The following SLCO1A2 variants were observed in gnomAD, a reference collection of about 807,000 sequenced individuals.
SLCO1A2 encodes solute carrier organic anion transporter family member 1A2.
SLCO1A2 carries 67 observed loss-of-function variants against 69.0 expected under a neutral mutation model. That is an observed-to-expected ratio of 0.97 (90% confidence interval 0.80 to 1.19). The LOEUF is 1.19. Ranked by LOEUF, SLCO1A2 falls within the 50% of genes most tolerant of loss-of-function variation. The probability of loss-of-function intolerance (pLI) is 0.00; values close to 1 mark genes in which losing one functional copy is unlikely to be tolerated. For missense variants in SLCO1A2, 787 were observed against 793.7 expected (o/e 0.99, Z 0.10); for synonymous variants, 260 against 265.9 (o/e 0.98, Z 0.22).
intron 1 of SLCO1A2, among the ~76,000 whole-genome samples, chr12:21,402,076 T>A (rs12824378): frequency 0.094 from 14,097 of 149,462 alleles, 960 homozygotes; most frequent in East Asian, 0.38. Flanking sequence ...AAATAAAATG[T>A]AAAAATTATG....
intron 1 of SLCO1A2, among the ~76,000 whole-genome samples, chr12:21,394,491 G>A (rs1217521850): frequency 6.7e-6 from 1 of 150,284 alleles, no homozygotes; most frequent in Non-Finnish European, 1.5e-5. Context: ...CAAGTGAGCT[G>A]TGATCGTACC....
chr12:21,343,323 C>G (rs1247260148), intron 2 of SLCO1A2, among the ~76,000 whole-genome samples: 1 of 152,106 alleles, frequency 6.6e-6, no homozygotes, highest in Non-Finnish European at 1.5e-5. Flanking sequence ...ACAAATGAGA[C>G]TTAATATCTC....
intron 2 of SLCO1A2, among the ~76,000 whole-genome samples, chr12:21,328,378 C>T (rs1055524766): frequency 6.6e-6 from 1 of 152,096 alleles, no homozygotes; most frequent in African/African-American, 2.4e-5. Context: ...ATGAGAATAA[C>T]TTAAATTATC....
chr12:21,314,288 T>C (rs1032688128), intron 4 of SLCO1A2, among the ~76,000 whole-genome samples: 4 of 152,190 alleles, frequency 2.6e-5, no homozygotes, highest in Admixed American at 2.0e-4. Context: ...TTTCGGCTGG[T>C]CCTGAGAATC....
chr12:21,363,222 G>C (rs1458475210), intron 2 of SLCO1A2, among the ~76,000 whole-genome samples: 5 of 152,112 alleles, frequency 3.3e-5, no homozygotes, highest in Non-Finnish European at 1.5e-5. Flanking sequence ...AATCAAACTA[G>C]AACTCAGGAT....
chr12:21,321,970 C>G (rs963676701), intron 2 of SLCO1A2, among the ~76,000 whole-genome samples: 3 of 152,126 alleles, frequency 2.0e-5, no homozygotes, highest in Non-Finnish European at 2.9e-5. Context: ...GTTATTTACC[C>G]CTGTGGCCCT....
chr12:21,283,178 C>G (rs1037455626), intron 12 of SLCO1A2, among the ~76,000 whole-genome samples: 9 of 151,936 alleles, frequency 5.9e-5, no homozygotes, highest in African/African-American at 2.2e-4. Context: ...ATATCACAGA[C>G]CTATAGTAAC....
Position 21,269,218 on chromosome 12 carries a change from A to G in SLCO1A2, c.*330T>C, listed in dbSNP as rs1244073398. The G allele has an allele frequency of 5.9e-6, 1 of 168,582 alleles. No individual in the cohort carries two copies. Among genetic ancestry groups the G allele is most frequent in the African/African-American group, 2.4e-5 (1 of 42,142 alleles). 10.4% of individuals were successfully genotyped at this position (168,582 alleles called of 1,614,324 possible). The stretch of plus-strand genomic sequence containing the variant: ...GTGGAATTAAATAGGTTTTCATAAC[A>G]GAAAATTTTTAGAAGTATTAGTAGA... On this transcript the variant is annotated 3_prime_UTR_variant, in exon 15 of 15. Coordinates refer to ENST00000683939, the MANE Select transcript of SLCO1A2 (RefSeq NM_001386879.1).
At chr12:21,360,620 G>C (rs1205170353) in intron 2 of SLCO1A2, among the ~76,000 whole-genome samples, 2 of 152,166 alleles carry the variant, frequency 1.3e-5, no homozygotes, top group Admixed American at 6.5e-5. Context: ...AAGGGGTGGG[G>C]GAATTCCCTT....
At chr12:21,324,950 T>C (rs1416518322) in intron 2 of SLCO1A2, among the ~76,000 whole-genome samples, 1 of 152,222 alleles carries the variant, frequency 6.6e-6, no homozygotes, top group Non-Finnish European at 1.5e-5. Context: ...TGGAACTCTT[T>C]GGGGTACCAT....
intron 12 of SLCO1A2, among the ~76,000 whole-genome samples, chr12:21,279,984 CT>C (rs1944507458): frequency 6.6e-6 from 1 of 151,490 alleles, no homozygotes; most frequent in Non-Finnish European, 1.5e-5. Flanking sequence ...TTTTAGTTTT[CT>C]TTTTGCTTAT....
chr12:21,315,553 A>T lies in SLCO1A2; in HGVS notation c.203-872T>A, dbSNP rs577771080. ...GACTCAAGATTATAAAAATTTCAAA[A>T]TTTTTTTTCCTCAAGGAGTTAATAA... On this transcript the variant is annotated intron_variant, in intron 3 of 14. Transcript: ENST00000683939. Among the ~76,000 whole-genome samples, 10 of 152,136 alleles carry T rather than the reference A, an allele frequency of 6.6e-5. No homozygotes were observed. In the East Asian group the frequency reaches 9.6e-4, roughly 15 times the overall value.
chr12:21,292,359 A>T, intron 11 of SLCO1A2, 23 bp from the exon 12 acceptor site: 1 of 1,580,416 alleles, frequency 6.3e-7, no homozygotes. Flanking sequence ...AACATATTAT[A>T]CTAAGAAGTA....
At chr12:21,274,989 CTT>C (rs1168804194) in intron 13 of SLCO1A2, 4 of 1,025,274 alleles carry the variant, frequency 3.9e-6, no homozygotes, top group African/African-American at 1.7e-5. Flanking sequence ...TTCTCTATCT[CTT>C]TGTGTGCTGC....
At chr12:21,395,951 TA>T (rs1271463009), upstream of SLCO1A2, among the ~76,000 whole-genome samples, 53 of 150,596 alleles carry the variant, frequency 3.5e-4, no homozygotes, top group East Asian at 0.01. Flanking sequence ...CTGGAAACTC[TA>T]AAAAGCAGAG....
intron 1 of SLCO1A2, among the ~76,000 whole-genome samples, chr12:21,404,040 C>A (rs1401431758): frequency 2.6e-5 from 4 of 152,096 alleles, no homozygotes; most frequent in East Asian, 1.9e-4. Context: ...CAAGGATATT[C>A]ATTTCTATGG....
chr12:21,335,886 T>C (rs952839098), upstream of SLCO1A2, among the ~76,000 whole-genome samples: 19 of 152,158 alleles, frequency 1.2e-4, no homozygotes, highest in African/African-American at 4.3e-4. Context: ...GAAAGCCAAG[T>C]ACGTGCCTAC....
Position 21,334,065 on chromosome 12 carries a change from T to C in SLCO1A2, c.60+523A>G, listed in dbSNP as rs1185442478. Among the ~76,000 whole-genome samples the C allele has an allele frequency of 3.3e-5, 5 of 151,806 alleles. No homozygotes were observed. In the South Asian group the frequency reaches 6.2e-4, roughly 19 times the overall value. On this transcript the variant is annotated intron_variant, in intron 2 of 14. Transcript: ENST00000683939. ...GTTTGAATATAAATGACTTTGAAGC[T>C]AGAAAACAGAATTTTCTCTGAAATA...
chr12:21,338,229 CCT>C (rs2136972317), upstream of SLCO1A2, among the ~76,000 whole-genome samples: 1 of 151,996 alleles, frequency 6.6e-6, no homozygotes, highest in East Asian at 1.9e-4. Context: ...AGTTCTGACT[CCT>C]CTATGTGCTC....
Sources: allele counts gnomAD v4.1 joint callset (sites outside exome capture counted in the v4.1 genomes callset), GRCh38; gene constraint gnomAD v4.1.1; transcripts MANE v1.5; gene names NCBI Gene and HGNC (gene_info 2026-07-23, HGNC 2026-07-21).